The following RYR2 variants were observed in gnomAD, a reference collection of about 807,000 sequenced individuals.
RYR2 encodes ryanodine receptor 2.
RYR2 carries 227 observed loss-of-function variants against 601.1 expected under a neutral mutation model. That is an observed-to-expected ratio of 0.38 (90% CI 0.34 to 0.42). RYR2 has a LOEUF of 0.42. Ranked by LOEUF, RYR2 falls within the 10% of genes least tolerant of loss-of-function variation. The pLI is 1.00. For missense variants in RYR2, 4,646 were observed against 6,156.5 expected (o/e 0.75, Z 8.21); for synonymous variants, 2,223 against 2,175.1 (o/e 1.02, Z -0.61).
At position 237,214,175 on chromosome 1, in the gene RYR2, C is replaced by T. The variant is rs373932182; in HGVS notation, c.49-56322C>T. Among the ~76,000 whole-genome samples, 29 of 152,182 alleles carry T rather than the reference C, an allele frequency of 1.9e-4. No individual in the cohort carries two copies. In the East Asian group the frequency reaches 4.8e-3, roughly 25 times the overall value. ...ACCTCAAATGATCCACCCACCTAGG[C>T]CTTCCAAAGTGCTGGGATTACAGGC... On this transcript the variant is annotated intron_variant, in intron 1 of 104. Coordinates refer to ENST00000366574, the MANE Select transcript of RYR2 (RefSeq NM_001035.3).
At chr1:237,307,489 A>C (rs1432017595) in intron 2 of RYR2, among the ~76,000 whole-genome samples, 2 of 152,232 alleles carry the variant, frequency 1.3e-5, no homozygotes, top group Non-Finnish European at 2.9e-5. Flanking sequence ...TAGAATTTTT[A>C]CAATAATTCT....
chr1:237,391,035 G>A (rs1702331722), intron 10 of RYR2, among the ~76,000 whole-genome samples: 1 of 152,144 alleles, frequency 6.6e-6, no homozygotes, highest in Non-Finnish European at 1.5e-5. Context: ...AACTATTTGT[G>A]TTGGTTATAC....
At chr1:237,237,957 CTTTCCTTTCCTTTCCTTTCCTTT>C (rs775634379) in intron 1 of RYR2, among the ~76,000 whole-genome samples, 1 of 62,606 alleles carries the variant, frequency 1.6e-5, no homozygotes, top group Non-Finnish European at 3.8e-5. Flanking sequence ...CTTTCCTTTC[CTTTCCTTTCCTTTCCTTTCCTTT>C]CCTTTCCAAC....
At chr1:237,789,997 C>T (rs1010847795) in intron 92 of RYR2, among the ~76,000 whole-genome samples, 2 of 152,220 alleles carry the variant, frequency 1.3e-5, no homozygotes, top group South Asian at 2.1e-4. Flanking sequence ...GGAAATGACA[C>T]GAACAGAGAT....
chr1:237,071,292 C>T (rs190881894), intron 1 of RYR2, among the ~76,000 whole-genome samples: 2 of 151,846 alleles, frequency 1.3e-5, no homozygotes, highest in East Asian at 2.0e-4. Context: ...GGTGCTATCT[C>T]GGCTCACTGC....
At chr1:237,111,088 C>T (rs929764321) in intron 1 of RYR2, among the ~76,000 whole-genome samples, 1 of 152,114 alleles carries the variant, frequency 6.6e-6, no homozygotes, top group Non-Finnish European at 1.5e-5. Context: ...GAGGATGCTT[C>T]GAGGTTGGAC....
chr1:237,235,112 T>C (rs983028195), intron 1 of RYR2, among the ~76,000 whole-genome samples: 3 of 152,218 alleles, frequency 2.0e-5, no homozygotes, highest in African/African-American at 7.2e-5. Context: ...TTTTGCTGTT[T>C]GATGTCTTCT....
intron 2 of RYR2, among the ~76,000 whole-genome samples, chr1:237,322,099 T>C (rs1282297692): frequency 6.6e-6 from 1 of 152,230 alleles, no homozygotes; most frequent in Admixed American, 6.5e-5. Context: ...TTCAAACTGA[T>C]ACTGAGTAAT....
chr1:237,778,033 C>T (rs1020423157), intron 87 of RYR2, among the ~76,000 whole-genome samples: 6 of 152,110 alleles, frequency 3.9e-5, no homozygotes, highest in African/African-American at 7.2e-5. Context: ...TAGGGAGGAA[C>T]GCAAGACACT....
chr1:237,089,926 A>G (rs1038538664), intron 1 of RYR2, among the ~76,000 whole-genome samples: 4 of 152,168 alleles, frequency 2.6e-5, no homozygotes, highest in African/African-American at 9.7e-5. Flanking sequence ...AATACCCGAG[A>G]CTGAATAATT....
At chr1:237,072,884 G>T (rs1664541607) in intron 1 of RYR2, among the ~76,000 whole-genome samples, 1 of 144,516 alleles carries the variant, frequency 6.9e-6, no homozygotes. Context: ...GGAGGCAAAA[G>T]TTGCAGCGAG....
At chr1:237,426,679 T>C (rs182631659) in intron 12 of RYR2, among the ~76,000 whole-genome samples, 25 of 152,220 alleles carry the variant, frequency 1.6e-4, no homozygotes, top group African/African-American at 6.0e-4. Flanking sequence ...CATACCCAAA[T>C]AAAATCTCGA....
At chr1:237,417,709 A>T (rs1184863022) in intron 11 of RYR2, among the ~76,000 whole-genome samples, 1 of 152,140 alleles carries the variant, frequency 6.6e-6, no homozygotes, top group Non-Finnish European at 1.5e-5. Flanking sequence ...ATGAAACATA[A>T]ATGTATAAAG....
chr1:237,440,571 G>A (rs1175757352), intron 12 of RYR2, among the ~76,000 whole-genome samples: 9 of 152,184 alleles, frequency 5.9e-5, no homozygotes, highest in Non-Finnish European at 1.0e-4. Context: ...TTTGGCTGGT[G>A]TCAGAGGATG....
chr1:237,546,658 G>T (rs1435891052), intron 25 of RYR2, among the ~76,000 whole-genome samples: 3 of 152,064 alleles, frequency 2.0e-5, no homozygotes, highest in Non-Finnish European at 4.4e-5. Flanking sequence ...TGGGATTATA[G>T]AAGTGAGCTA....
intron 2 of RYR2, among the ~76,000 whole-genome samples, chr1:237,291,702 C>T (rs899149955): frequency 2.0e-5 from 3 of 152,150 alleles, no homozygotes; most frequent in African/African-American, 7.2e-5. Context: ...CATAATACGA[C>T]ATTCTGGAAC....
chr1:237,399,887 C>T (rs1445538455), intron 10 of RYR2, among the ~76,000 whole-genome samples: 1 of 151,886 alleles, frequency 6.6e-6, no homozygotes, highest in Non-Finnish European at 1.5e-5. Flanking sequence ...AGGGTGTTTA[C>T]GGTAACTAGG....
chr1:237,064,047 ATTCTTGGCCAGTAT>A (rs1663223534), intron 1 of RYR2, among the ~76,000 whole-genome samples: 1 of 152,018 alleles, frequency 6.6e-6, no homozygotes, highest in South Asian at 2.1e-4. Context: ...ATTTTGGAAA[ATTCTTGGCCAGTAT>A]TTCTTCAAAC....
In RYR2 at chr1:237,108,556, C is replaced by T. The variant is rs534267581; in HGVS notation, c.48+65987C>T. 1.9e-4 allele frequency among the ~76,000 whole-genome samples: 29 copies of T among 152,324 alleles called. 1 individual carries two copies. Among genetic ancestry groups the T allele is most frequent in the Admixed American group, 1.8e-3 (27 of 15,306 alleles). ...AAACAGAGAACAGGGCTGAGCTGCG[C>T]TGAGCAGAGCTCTGGGATTCTCTTA... On this transcript the variant is annotated intron_variant, in intron 1 of 104. Coordinates refer to ENST00000366574, the MANE Select transcript of RYR2 (RefSeq NM_001035.3).
Sources: allele counts gnomAD v4.1 joint callset (sites outside exome capture counted in the v4.1 genomes callset), GRCh38; gene constraint gnomAD v4.1.1; transcripts MANE v1.5; gene names NCBI Gene and HGNC (gene_info 2026-07-23, HGNC 2026-07-21).